ARHGAP15: variants seen among roughly 807,000 people sequenced by gnomAD.
ARHGAP15 encodes the protein Rho GTPase activating protein 15.
In ARHGAP15, 51 loss-of-function variants were observed where a neutral mutation model predicts 63.7. That is an observed-to-expected ratio of 0.80 (90% confidence interval 0.64 to 1.01). The LOEUF (loss-of-function observed/expected upper bound fraction) is 1.01. Among genes scored for constraint, ARHGAP15 ranks in the 50% least tolerant of loss-of-function variants. The pLI is 0.00. For synonymous variants in ARHGAP15, 191 were observed against 193.8 expected, an observed-to-expected ratio of 0.99 and a Z score of 0.12; for missense variants, 560 against 564.6, an observed-to-expected ratio of 0.99 and a Z score of 0.08.
chr2:143,503,027 G>A (rs1693140708), intron 9 of ARHGAP15, among the ~76,000 whole-genome samples: 1 of 152,210 alleles, frequency 6.6e-6, no homozygotes, highest in Non-Finnish European at 1.5e-5. Flanking sequence ...AACCAACTTG[G>A]CATACCATCT....
intron 6 of ARHGAP15, among the ~76,000 whole-genome samples, chr2:143,349,282 T>C (rs1254541353): frequency 6.6e-6 from 1 of 152,160 alleles, no homozygotes; most frequent in Non-Finnish European, 1.5e-5. Context: ...CATCAACTAT[T>C]GTTGAAAAAA....
chr2:143,486,741 T>C (rs1221115713), intron 8 of ARHGAP15, among the ~76,000 whole-genome samples: 5 of 152,142 alleles, frequency 3.3e-5, no homozygotes, highest in Non-Finnish European at 7.4e-5. Flanking sequence ...CACACCTGAC[T>C]TTGAAGATAA....
chr2:143,336,881 G>A (rs1386158912), intron 6 of ARHGAP15, among the ~76,000 whole-genome samples: 1 of 152,122 alleles, frequency 6.6e-6, no homozygotes, highest in African/African-American at 2.4e-5. Context: ...AGCATGCTTT[G>A]TGCCAGGCCC....
chr2:143,270,487 T>A (rs1681220801), intron 6 of ARHGAP15, among the ~76,000 whole-genome samples: 1 of 152,238 alleles, frequency 6.6e-6, no homozygotes, highest in Admixed American at 6.5e-5. Flanking sequence ...ATATTTAATA[T>A]GTTCATAATT....
chr2:143,759,778 C>T (rs896492024), intron 13 of ARHGAP15, among the ~76,000 whole-genome samples: 3 of 151,872 alleles, frequency 2.0e-5, no homozygotes, highest in African/African-American at 7.2e-5. Context: ...CTGAGCACTC[C>T]GTCTAATACA....
At chr2:143,683,415 C>T (rs1308519149) in intron 12 of ARHGAP15, among the ~76,000 whole-genome samples, 1 of 150,210 alleles carries the variant, frequency 6.7e-6, no homozygotes, top group African/African-American at 2.4e-5. Context: ...GATTAAAATG[C>T]ATTAGCAATT....
At chr2:143,135,320 CACAAT>C (rs901865508) in intron 1 of ARHGAP15, among the ~76,000 whole-genome samples, 34 of 152,176 alleles carry the variant, frequency 2.2e-4, no homozygotes, top group African/African-American at 8.2e-4. Context: ...GTCAGTAACA[CACAAT>C]ACAATTGTGG....
At chr2:143,416,339 T>A (rs1411279535) in intron 6 of ARHGAP15, among the ~76,000 whole-genome samples, 3 of 152,216 alleles carry the variant, frequency 2.0e-5, no homozygotes, top group Admixed American at 6.5e-5. Flanking sequence ...TCATTTATTC[T>A]TTCAATAAAT....
intron 8 of ARHGAP15, among the ~76,000 whole-genome samples, chr2:143,463,602 A>G (rs1691064273): frequency 6.6e-6 from 1 of 151,988 alleles, no homozygotes; most frequent in Non-Finnish European, 1.5e-5. Flanking sequence ...AGAACAGGCC[A>G]GTTGCAACCT....
At chr2:143,574,216 A>T (rs1168984709) in intron 11 of ARHGAP15, among the ~76,000 whole-genome samples, 2 of 152,164 alleles carry the variant, frequency 1.3e-5, no homozygotes, top group Admixed American at 6.6e-5. Flanking sequence ...TCAAAAATCT[A>T]ATCAGTGTGG....
intron 8 of ARHGAP15, among the ~76,000 whole-genome samples, chr2:143,479,157 CTAA>C (rs886182440): frequency 1.3e-5 from 2 of 152,168 alleles, no homozygotes; most frequent in African/African-American, 4.8e-5. Flanking sequence ...TGAAATACTG[CTAA>C]TGATGGTTCA....
At chr2:143,463,375 C>G (rs1691048719) in intron 8 of ARHGAP15, among the ~76,000 whole-genome samples, 1 of 152,136 alleles carries the variant, frequency 6.6e-6, no homozygotes, top group Admixed American at 6.6e-5. Context: ...AACCCTGTCT[C>G]TACTAAAAAT....
At chr2:143,669,698 A>T (rs752833532) in intron 12 of ARHGAP15, among the ~76,000 whole-genome samples, 2 of 152,228 alleles carry the variant, frequency 1.3e-5, no homozygotes, top group Admixed American at 6.5e-5. Flanking sequence ...AGGTTTCAAC[A>T]TACGAATTTT....
chr2:143,513,075 C>G (rs570325205), intron 9 of ARHGAP15, among the ~76,000 whole-genome samples: 3 of 152,320 alleles, frequency 2.0e-5, no homozygotes, highest in African/African-American at 7.2e-5. Context: ...TCCAGAGCCC[C>G]ACCTTCTTGG....
At chr2:143,166,438 A>G (rs1462277426) in intron 2 of ARHGAP15, among the ~76,000 whole-genome samples, 1 of 152,118 alleles carries the variant, frequency 6.6e-6, no homozygotes, top group African/African-American at 2.4e-5. Context: ...TATTGGCACT[A>G]ACAGTATGTC....
intron 6 of ARHGAP15, among the ~76,000 whole-genome samples, chr2:143,348,405 T>C (rs1389161891): frequency 6.6e-6 from 1 of 152,188 alleles, no homozygotes; most frequent in Non-Finnish European, 1.5e-5. Flanking sequence ...CTTTATGATA[T>C]TTTAACTCTT....
chr2:143,202,216 T>G lies in ARHGAP15; in HGVS notation c.234+14T>G, dbSNP rs79440190. 6.3e-7 allele frequency: 1 copy of G among 1,595,218 alleles called. No homozygotes were observed. Among genetic ancestry groups the G allele is most frequent in the Non-Finnish European group, 8.6e-7 (1 of 1,163,400 alleles). ...TTGGAACAACTGGTGAGTGTTTAAG[T>G]CATTATATTCTTCATCTACTGATAC... On this transcript the variant is annotated intron_variant, in intron 3 of 13. Transcript: ENST00000295095.
chr2:143,754,388 C>G (rs1686495149), intron 13 of ARHGAP15, among the ~76,000 whole-genome samples: 1 of 152,164 alleles, frequency 6.6e-6, no homozygotes, highest in Non-Finnish European at 1.5e-5. Flanking sequence ...CCCACCTCTG[C>G]AGGCTGGTCT....
chr2:143,608,016 A>T (rs993179516), intron 11 of ARHGAP15: 10 of 152,066 alleles, frequency 6.6e-5, no homozygotes, highest in South Asian at 2.1e-4. Flanking sequence ...TAGAGCAAGG[A>T]TTGTGTTCTG....
Sources: allele counts gnomAD v4.1 joint callset (sites outside exome capture counted in the v4.1 genomes callset), GRCh38; gene constraint gnomAD v4.1.1; transcripts MANE v1.5; gene names NCBI Gene and HGNC (gene_info 2026-07-23, HGNC 2026-07-21).